The following C10orf90 variants were observed in gnomAD, a reference collection of about 807,000 sequenced individuals.
C10orf90 encodes (E2-independent) E3 ubiquitin-conjugating enzyme FATS.
Under a neutral mutation model 62.5 loss-of-function variants are expected in C10orf90, and 56 were observed. That is an observed-to-expected ratio of 0.90 (90% confidence interval 0.72 to 1.12). The LOEUF is 1.12. Among genes scored for constraint, C10orf90 ranks in the 50% most tolerant of loss-of-function variants. C10orf90 has a pLI of 0.00. For synonymous variants in C10orf90, 386 were observed against 340.4 expected, an observed-to-expected ratio of 1.13 and a Z score of -1.47; for missense variants, 970 against 880.4, an observed-to-expected ratio of 1.10 and a Z score of -1.29.
At chr10:126,479,959 A>G (rs887227089) in intron 4 of C10orf90, among the ~76,000 whole-genome samples, 1 of 152,184 alleles carries the variant, frequency 6.6e-6, no homozygotes, top group Non-Finnish European at 1.5e-5. Flanking sequence ...AGTTTAAGTA[A>G]TGCTCTTTTT....
At chr10:126,516,527 G>A (rs1161779681) in intron 2 of C10orf90, among the ~76,000 whole-genome samples, 1 of 152,200 alleles carries the variant, frequency 6.6e-6, no homozygotes, top group Admixed American at 6.5e-5. Context: ...CCACTTCAGA[G>A]GGTTACTGAA....
At chr10:126,635,661 G>T (rs1845936766) in intron 2 of C10orf90, among the ~76,000 whole-genome samples, 1 of 152,196 alleles carries the variant, frequency 6.6e-6, no homozygotes, top group African/African-American at 2.4e-5. Context: ...CAGACCTGCG[G>T]ACAGTAGTTT....
At position 126,551,284 on chromosome 10, in the gene C10orf90, A is replaced by T. The variant is rs541145077; in HGVS notation, c.314-37345T>A. 2.6e-5 allele frequency among the ~76,000 whole-genome samples: 4 copies of T among 152,356 alleles called. No individual in the cohort carries two copies. In the South Asian group the frequency reaches 8.3e-4, roughly 32 times the overall value. On this transcript the variant is annotated intron_variant, in intron 2 of 9. Transcript: ENST00000488181. ...AAATAATAAATGCTTAGTAGCTGGT[A>T]ACTGTTTCTACCACTACCAACACCT...
In C10orf90 at chr10:126,649,075, C is replaced by CG. The variant is rs371600767; in HGVS notation, c.241-2439_241-2438insC. On this transcript the variant is annotated intron_variant, in intron 1 of 9. Transcript: ENST00000488181. ...CTCTCTCTCTCTCTCTCTCTCTCCC[C>CG]CCCCCCCAGCAATTCACAATGGATG... Among the ~76,000 whole-genome samples, 99 of 34,662 alleles carry CG rather than the reference C, an allele frequency of 2.9e-3. 2 individuals are homozygous for CG. Among genetic ancestry groups the CG allele is most frequent in the African/African-American group, 6.4e-3 (94 of 14,768 alleles). 22.7% of individuals were successfully genotyped at this position (34,662 alleles called of 152,430 possible).
intron 2 of C10orf90, among the ~76,000 whole-genome samples, chr10:126,535,991 A>G (rs1864225390): frequency 6.6e-6 from 1 of 152,024 alleles, no homozygotes; most frequent in African/African-American, 2.4e-5. Context: ...GTTTTTTTCC[A>G]CTTGTGTGGA....
chr10:126,479,908 T>C (rs1861082533), intron 4 of C10orf90, among the ~76,000 whole-genome samples: 1 of 152,218 alleles, frequency 6.6e-6, no homozygotes, highest in Non-Finnish European at 1.5e-5. Context: ...GGTTTCGATG[T>C]GGGATAACAT....
intron 2 of C10orf90, among the ~76,000 whole-genome samples, chr10:126,643,455 T>C (rs1458064872): frequency 6.6e-6 from 1 of 152,214 alleles, no homozygotes; most frequent in African/African-American, 2.4e-5. Context: ...GATACATGCC[T>C]GGCCCACGGA....
At chr10:126,479,457 C>T (rs376861160) in intron 4 of C10orf90, among the ~76,000 whole-genome samples, 2 of 152,170 alleles carry the variant, frequency 1.3e-5, no homozygotes, top group Non-Finnish European at 2.9e-5. Context: ...ATCCCAGATC[C>T]GGAGGGCGAG....
At chr10:126,439,444 GT>G (rs1197909505) in intron 7 of C10orf90, among the ~76,000 whole-genome samples, 2 of 152,254 alleles carry the variant, frequency 1.3e-5, no homozygotes, top group Non-Finnish European at 2.9e-5. Flanking sequence ...ACAAAATAAT[GT>G]GATAATTGTC....
intron 7 of C10orf90, among the ~76,000 whole-genome samples, chr10:126,454,636 T>C (rs1016144168): frequency 2.0e-5 from 3 of 151,562 alleles, no homozygotes; most frequent in African/African-American, 7.3e-5. Flanking sequence ...CTATACCCCC[T>C]AATACTTGCA....
At position 126,635,142 on chromosome 10, in the gene C10orf90, C is replaced by T. The variant is rs571418239; in HGVS notation, c.313+11423G>A. On this transcript the variant is annotated intron_variant, in intron 2 of 9. Transcript: ENST00000488181. ...ACACACAAGGCATTAGTGAACGCCA[C>T]ATTCAGAGATGATTTGGTAGCTGGA... is the stretch of plus-strand genomic sequence containing the variant. 3.9e-5 allele frequency among the ~76,000 whole-genome samples: 6 copies of T among 152,288 alleles called. No homozygotes were observed. The South Asian group carries it at 1.0e-3, about 26-fold the overall frequency.
chr10:126,453,939 T>TGGGCAGAGTC lies in C10orf90; in HGVS notation c.2188+5091_2188+5100dup, dbSNP rs1859365725. Among the ~76,000 whole-genome samples, 1 of 151,868 alleles carries TGGGCAGAGTC rather than the reference T, an allele frequency of 6.6e-6. No homozygotes were observed. The highest frequency in any genetic ancestry group is 2.4e-5 in the African/African-American group (1 of 41,324). Reference sequence around the variant, plus strand: ...TGAGACCAACTGGAAAGGTTGAGAGTGGGCAGAGTCAGGCTGAGAGGCGTC... The same window carrying TGGGCAGAGTC: ...TGAGACCAACTGGAAAGGTTGAGAGTGGGCAGAGTCGGGCAGAGTCAGGCTGAGAGGCGTC... On this transcript the variant is annotated intron_variant, in intron 7 of 9. Transcript: ENST00000488181. This position sits in a 1 kb window ranked among gnomAD's most constrained non-coding sequence, Gnocchi z 4.9.
intron 2 of C10orf90, among the ~76,000 whole-genome samples, chr10:126,565,650 C>T (rs1345266193): frequency 6.6e-6 from 1 of 151,574 alleles, no homozygotes; most frequent in Admixed American, 6.6e-5. Flanking sequence ...AACTTCAAAG[C>T]TCCTTGTTGT....
At chr10:126,606,520 A>T (rs1223477142) in intron 2 of C10orf90, among the ~76,000 whole-genome samples, 1 of 152,130 alleles carries the variant, frequency 6.6e-6, no homozygotes, top group Non-Finnish European at 1.5e-5. Flanking sequence ...GCTCTCCAAC[A>T]CTGACTTTCA....
At chr10:126,586,872 G>A (rs1005141486) in intron 2 of C10orf90, among the ~76,000 whole-genome samples, 5 of 152,150 alleles carry the variant, frequency 3.3e-5, no homozygotes, top group African/African-American at 1.2e-4. Flanking sequence ...CAGCCTCAGG[G>A]ATCTGACTCA....
At chr10:126,659,704 T>C (rs967085209) in intron 1 of C10orf90, among the ~76,000 whole-genome samples, 1 of 152,236 alleles carries the variant, frequency 6.6e-6, no homozygotes, top group Non-Finnish European at 1.5e-5. Flanking sequence ...CCTTCATTTT[T>C]AGCTTCATTT....
chr10:126,445,177 T>G (rs1858673463), intron 7 of C10orf90, among the ~76,000 whole-genome samples: 3 of 152,216 alleles, frequency 2.0e-5, no homozygotes, highest in Admixed American at 2.0e-4. Flanking sequence ...TGGGACTTAA[T>G]TAAACTAAAG....
At chr10:126,530,054 C>T (rs1864052021) in intron 2 of C10orf90, among the ~76,000 whole-genome samples, 1 of 152,050 alleles carries the variant, frequency 6.6e-6, no homozygotes, top group Non-Finnish European at 1.5e-5. Context: ...TGTACATTTG[C>T]ACTGGGATAT....
chr10:126,574,579 G>A (rs1404361114), intron 2 of C10orf90, among the ~76,000 whole-genome samples: 1 of 151,534 alleles, frequency 6.6e-6, no homozygotes, highest in Non-Finnish European at 1.5e-5. Flanking sequence ...AAATCAAGTG[G>A]GATTTATTGC....
Sources: allele counts gnomAD v4.1 joint callset (sites outside exome capture counted in the v4.1 genomes callset), GRCh38; gene constraint gnomAD v4.1.1; non-coding constraint Gnocchi (gnomAD v3.1); transcripts MANE v1.5; gene names NCBI Gene and HGNC (gene_info 2026-07-23, HGNC 2026-07-21).